Variants in KCNN2 observed in about 807,000 individuals in gnomAD.
KCNN2 encodes the protein small conductance calcium-activated potassium channel protein 2.
A neutral mutation model predicts 55.5 loss-of-function variants in KCNN2; 24 were observed. The observed-to-expected ratio is 0.43, with a 90% CI of 0.31 to 0.61. The LOEUF is 0.61. Ranked by LOEUF, KCNN2 falls within the 20% of genes least tolerant of loss-of-function variation. KCNN2 has a pLI of 0.08. For missense variants in KCNN2, 754 were observed against 853.6 expected (o/e 0.88, Z 1.45); for synonymous variants, 431 against 336.1 (o/e 1.28, Z -3.09).
intron 3 of KCNN2, among the ~76,000 whole-genome samples, chr5:114,459,238 A>T (rs1369638168): frequency 6.6e-6 from 1 of 152,234 alleles, no homozygotes; most frequent in Non-Finnish European, 1.5e-5. Context: ...TCATTTTAAA[A>T]GCTTGAGATT....
At chr5:114,251,563 G>A (rs1419752169) in intron 2 of KCNN2, among the ~76,000 whole-genome samples, 1 of 152,066 alleles carries the variant, frequency 6.6e-6, no homozygotes, top group Non-Finnish European at 1.5e-5. Context: ...CTTTCCAAAT[G>A]CTGTTCAATA....
chr5:114,135,073 A>G (rs900173345), intron 1 of KCNN2, among the ~76,000 whole-genome samples: 2 of 152,212 alleles, frequency 1.3e-5, no homozygotes, highest in East Asian at 3.9e-4. Context: ...AAAGGCAACA[A>G]CGTCAGAAGC....
chr5:114,079,586 G>T (rs534530593), intron 1 of KCNN2, among the ~76,000 whole-genome samples: 2 of 152,222 alleles, frequency 1.3e-5, no homozygotes, highest in East Asian at 1.9e-4. Context: ...AGTGTATAGG[G>T]TCATTCAGGA....
chr5:114,305,015 C>T (rs1204817787), intron 2 of KCNN2, among the ~76,000 whole-genome samples: 3 of 152,044 alleles, frequency 2.0e-5, no homozygotes, highest in African/African-American at 4.8e-5. Flanking sequence ...TATCAGTCAG[C>T]GTCTAATCGC....
intron 6 of KCNN2, chr5:114,490,688 T>C (rs1482755983): frequency 1.5e-5 from 6 of 398,056 alleles, no homozygotes; most frequent in East Asian, 3.6e-5. Flanking sequence ...AAAATGAAAA[T>C]AGAGCTCGGA....
chr5:114,385,519 GCACACACACACACA>G (rs10548694), intron 2 of KCNN2, among the ~76,000 whole-genome samples: 12 of 143,454 alleles, frequency 8.4e-5, no homozygotes, highest in African/African-American at 2.6e-4. Flanking sequence ...ACACATGCGC[GCACACACACACACA>G]CACACACACA....
In KCNN2 at chr5:114,147,734, G is replaced by A. The variant is rs151109232; in HGVS notation, c.-270-73746G>A. Among the ~76,000 whole-genome samples, 343 of 152,300 alleles carry A rather than the reference G, an allele frequency of 2.3e-3. 1 individual carries two copies. The highest frequency in any genetic ancestry group is 7.9e-3 in the African/African-American group (327 of 41,568). ...GTAGGGATGCCTAGGATTGGTCTGA[G>A]ATAATTGATGTCACCTAGTAATTTT... On this transcript the variant is annotated intron_variant, in intron 1 of 10. Transcript: ENST00000512097.
chr5:114,080,105 T>C (rs1257636721), intron 1 of KCNN2, among the ~76,000 whole-genome samples: 2 of 152,136 alleles, frequency 1.3e-5, no homozygotes, highest in Non-Finnish European at 2.9e-5. Context: ...GCTTCTTTCC[T>C]GAAGTCTTGG....
chr5:114,430,544 G>A (rs1759759633), intron 3 of KCNN2, among the ~76,000 whole-genome samples: 1 of 152,016 alleles, frequency 6.6e-6, no homozygotes, highest in Non-Finnish European at 1.5e-5. Context: ...GTTTATCTGT[G>A]AAAAAGATGG....
chr5:114,290,618 C>A (rs905380146), intron 2 of KCNN2, among the ~76,000 whole-genome samples: 1 of 151,870 alleles, frequency 6.6e-6, no homozygotes, highest in African/African-American at 2.4e-5. Flanking sequence ...TTCCTGTTAG[C>A]TTTGTCTTCA....
intron 2 of KCNN2, among the ~76,000 whole-genome samples, chr5:114,365,105 G>T (rs968355530): frequency 5.9e-5 from 9 of 152,064 alleles, no homozygotes; most frequent in Non-Finnish European, 1.0e-4. Context: ...AAATATGGAA[G>T]AAATCGTTTT....
At chr5:114,339,274 C>G (rs2150035924) in intron 2 of KCNN2, among the ~76,000 whole-genome samples, 1 of 152,298 alleles carries the variant, frequency 6.6e-6, no homozygotes, top group Admixed American at 6.5e-5. Context: ...AACCCCGGCC[C>G]CCTTTCCAGG....
intron 2 of KCNN2, among the ~76,000 whole-genome samples, chr5:114,222,317 A>G (rs4269286): frequency 0.98 from 149,941 of 152,304 alleles, 73,866 homozygotes; most frequent in Middle Eastern, 1. Context: ...TAGGCACACC[A>G]TACCAAAGGC....
chr5:114,366,325 T>C (rs1757598401), intron 2 of KCNN2, among the ~76,000 whole-genome samples: 1 of 152,340 alleles, frequency 6.6e-6, no homozygotes, highest in African/African-American at 2.4e-5. Flanking sequence ...TAAAATTCGG[T>C]TTATTTTATA....
intron 3 of KCNN2, among the ~76,000 whole-genome samples, chr5:114,436,804 A>G (rs1178632306): frequency 6.6e-6 from 1 of 152,184 alleles, no homozygotes; most frequent in Non-Finnish European, 1.5e-5. Flanking sequence ...ATCCAATAGA[A>G]CTTTCTGCAG....
chr5:114,336,042 C>G (rs1018727093), intron 2 of KCNN2, among the ~76,000 whole-genome samples: 4 of 152,184 alleles, frequency 2.6e-5, no homozygotes, highest in Non-Finnish European at 5.9e-5. Context: ...AAATTGATCC[C>G]TTGAAGACAT....
At chr5:114,104,104 C>A (rs1751431364) in intron 1 of KCNN2, among the ~76,000 whole-genome samples, 1 of 152,020 alleles carries the variant, frequency 6.6e-6, no homozygotes, top group African/African-American at 2.4e-5. Flanking sequence ...AATTTCAGAA[C>A]TTGTTATTGG....
chr5:114,211,261 G>A (rs1358489869), intron 1 of KCNN2, among the ~76,000 whole-genome samples: 2 of 152,026 alleles, frequency 1.3e-5, no homozygotes, highest in African/African-American at 4.8e-5. Flanking sequence ...ACATGCACAA[G>A]TATGTTCACT....
intron 1 of KCNN2, among the ~76,000 whole-genome samples, chr5:114,191,120 C>A (rs370292164): frequency 2.0e-5 from 3 of 152,100 alleles, no homozygotes; most frequent in African/African-American, 7.2e-5. Context: ...GAATACCGGC[C>A]ACACTATAAA....
Sources: gnomAD v4.1 joint callset for allele counts (sites outside exome capture counted in the v4.1 genomes callset) on GRCh38, gnomAD v4.1.1 for gene constraint, MANE v1.5 for transcripts, NCBI Gene and HGNC (gene_info 2026-07-23, HGNC 2026-07-21) for gene names.